TRIM46: variants seen among roughly 807,000 people sequenced by gnomAD.
TRIM46 encodes tripartite motif containing 46.
In TRIM46, 17 loss-of-function variants were observed where a neutral mutation model predicts 69.7. That is an observed-to-expected ratio of 0.24 (90% CI 0.17 to 0.37). The LOEUF (loss-of-function observed/expected upper bound fraction) is 0.37. Among genes scored for constraint, TRIM46 ranks in the 10% least tolerant of loss-of-function variants. The pLI is 1.00. For missense variants in TRIM46, 675 were observed against 1,025.1 expected (o/e 0.66, Z 4.66); for synonymous variants, 391 against 429.0 (o/e 0.91, Z 1.09).
chr1:155,175,744 T>G lies in TRIM46; in HGVS notation c.325+97T>G. The G allele has an allele frequency of 6.2e-7, 1 of 1,600,128 alleles. No individual in the cohort carries two copies. The highest frequency in any genetic ancestry group is 1.3e-5 in the African/African-American group (1 of 74,776). ...ACTGGTCAGAGGCATCTGTCTGTCTTTCTGGGGGGTGGAGATACTGCTTAC... is the reference window on the plus strand; with the variant it reads ...ACTGGTCAGAGGCATCTGTCTGTCTGTCTGGGGGGTGGAGATACTGCTTAC... On this transcript the variant is annotated intron_variant, in intron 2 of 9. Transcript: ENST00000334634. The surrounding 1 kb of genome is among the most constrained non-coding windows in gnomAD (Gnocchi z 4.2).
At chr1:155,178,453 C>T in intron 6 of TRIM46, 39 bp from the exon 7 acceptor site, 2 of 1,612,256 alleles carry the variant, frequency 1.2e-6, no homozygotes, top group Non-Finnish European at 1.7e-6. Context: ...GGAGACTGCC[C>T]ACATGGCAGT....
Position 155,181,925 on chromosome 1 carries a change from A to T in TRIM46, c.1662A>T (p.Ala554=). 1 of 1,614,078 alleles carries T rather than the reference A, an allele frequency of 6.2e-7. No individual in the cohort carries two copies. Among genetic ancestry groups the T allele is most frequent in the Non-Finnish European group, 8.5e-7 (1 of 1,180,034 alleles). Residue 554 remains alanine (A), a synonymous_variant, in exon 9 of 10, where the codon GCA becomes GCT. Coordinates refer to ENST00000334634, the MANE Select transcript of TRIM46 (RefSeq NM_025058.5). The surrounding 1 kb of genome is among the most constrained non-coding windows in gnomAD (Gnocchi z 4.3). ...ERLAISKDQR[A]VRSVPGLPLL... The stretch of plus-strand genomic sequence containing the variant: ...TGGCTATCAGCAAGGACCAGCGAGC[A>T]GTACGGAGTGTTCCAGGGCTGCCCC...
intron 1 of TRIM46, chr1:155,174,977 G>A (rs1665519183): frequency 4.3e-6 from 6 of 1,385,658 alleles, no homozygotes; most frequent in East Asian, 2.9e-5. Context: ...CGGCATGGGG[G>A]TGCTGCTAGA....
At chr1:155,182,324 C>A (rs1666229944) in intron 9 of TRIM46, 175 bp downstream of exon 9, 2 of 694,074 alleles carry the variant, frequency 2.9e-6, no homozygotes, top group Non-Finnish European at 4.7e-6. Flanking sequence ...CGCATGGGCT[C>A]AGCAAAAGGG....
Position 155,177,116 on chromosome 1 carries a change from T to C in TRIM46, c.813+41T>C, listed in dbSNP as rs1222306004. The C allele has an allele frequency of 2.5e-6, 4 of 1,613,754 alleles. No individual in the cohort carries two copies. The African/African-American group carries it at 5.3e-5, about 22-fold the overall frequency. On this transcript the variant is annotated intron_variant, in intron 4 of 9. Transcript: ENST00000334634. ...ATCCAACCCTAGTGCTAACTCACACTCTTACCCTCTTGCACCTCCTCCCAA... is the reference window on the plus strand; with the variant it reads ...ATCCAACCCTAGTGCTAACTCACACCCTTACCCTCTTGCACCTCCTCCCAA...
At chr1:155,180,069 G>T (rs75172742) in intron 8 of TRIM46, 135 bp downstream of exon 8, 16,291 of 1,065,896 alleles carry the variant, frequency 0.015, 146 homozygotes, top group Non-Finnish European at 0.019. Context: ...TCTGGAGCTA[G>T]ACTGCTTGGG....
chr1:155,178,871 G>A (rs781364236), intron 7 of TRIM46: 4 of 1,419,096 alleles, frequency 2.8e-6, no homozygotes, highest in South Asian at 2.4e-5. Context: ...CTGCCCCGGG[G>A]GCCCTGCCCG....
chr1:155,182,915 T>TTC (rs1666275482), intron 9 of TRIM46: 5 of 147,798 alleles, frequency 3.4e-5, no homozygotes, highest in Admixed American at 3.4e-4. Flanking sequence ...AACTCCCTGT[T>TTC]TTTTTTTTTT....
intron 3 of TRIM46, 143 bp downstream of exon 3, chr1:155,176,374 C>A: frequency 1.2e-6 from 1 of 806,026 alleles, no homozygotes; most frequent in Non-Finnish European, 1.9e-6. Flanking sequence ...GTCACAAAGT[C>A]ACTGGACAAA....
Position 155,183,896 on chromosome 1 carries a change from G to C in TRIM46, c.1986G>C (p.Leu662=), listed in dbSNP as rs1053341065. 4 of 1,613,490 alleles carry C rather than the reference G, an allele frequency of 2.5e-6. No individual in the cohort carries two copies. The highest frequency in any genetic ancestry group is 1.7e-4 in the Middle Eastern group (1 of 5,976). The change falls in exon 10 of 10, where the codon CTG becomes CTC. Residue 662 remains leucine (L), a synonymous_variant. Coordinates refer to ENST00000334634, the MANE Select transcript of TRIM46 (RefSeq NM_025058.5). ...AFLTIGMGKI[L]LGSGASSNAG... is the part of the protein sequence containing the mutation. Reference sequence around the variant, plus strand: ...TAACCATTGGCATGGGCAAGATCCTGCTGGGGTCGGGGGCAAGCTCAAACG... The same window carrying C: ...TAACCATTGGCATGGGCAAGATCCTCCTGGGGTCGGGGGCAAGCTCAAACG...
At position 155,179,866 on chromosome 1, in the gene TRIM46, G is replaced by A; in HGVS notation, c.1520G>A (p.Arg507His). Residue 507 changes from arginine to histidine, a missense_variant, in exon 8 of 10, where the codon CGC becomes CAC. Arg to His is a conservative substitution (Grantham distance 29). Transcript: ENST00000334634. The part of the protein sequence containing the change: ...DTGSVYVLRV[R>H]GCNKAGYGEY... ...GGCTCTGTGTATGTGCTGCGTGTCC[G>A]CGGCTGCAACAAGGCCGGCTACGGC... 2 of 1,609,974 alleles carry A rather than the reference G, an allele frequency of 1.2e-6. No individual in the cohort carries two copies. Among genetic ancestry groups the A allele is most frequent in the East Asian group, 2.2e-5 (1 of 44,728 alleles).
Position 155,178,061 on chromosome 1 carries a change from G to A in TRIM46, c.969G>A (p.Val323=). 6.2e-7 allele frequency: 1 copy of A among 1,613,966 alleles called. No homozygotes were observed. Among genetic ancestry groups the A allele is most frequent in the East Asian group, 2.2e-5 (1 of 44,886 alleles). The part of the protein sequence containing the change: ...VSQLVRGLGA[V]LEEKRASLLQ... Reference sequence around the variant, plus strand: ...AGCTGGTGCGGGGGCTGGGGGCTGTGCTGGAGGAGAAGCGGGCATCACTGC... The same window carrying A: ...AGCTGGTGCGGGGGCTGGGGGCTGTACTGGAGGAGAAGCGGGCATCACTGC... Residue 323 remains valine, a synonymous_variant, in exon 6 of 10, where the codon GTG becomes GTA. Coordinates refer to ENST00000334634, the MANE Select transcript of TRIM46 (RefSeq NM_025058.5).
At position 155,175,978 on chromosome 1, in the gene TRIM46, T is replaced by C; in HGVS notation, c.416T>C (p.Leu139Pro). The change falls in exon 3 of 10, where the codon CTT (leucine) becomes CCT (proline). Residue 139 changes from leucine to proline, a missense_variant. Leu to Pro is a moderately conservative substitution (Grantham distance 98, BLOSUM62 -3). This residue lies in a region of TRIM46 where 170 missense variants were observed against 255.6 expected (regional missense o/e 0.67). Transcript: ENST00000334634. This position sits in a 1 kb window ranked among gnomAD's most constrained non-coding sequence, Gnocchi z 4.2. ...CCAGCCTGCCAAGGTGATGTGGAGC[T>C]TGGGGAGCGGGGTCTGGCAGGGCTT... The part of the protein sequence containing the change: ...PCPACQGDVE[L>P]GERGLAGLFR... 1 of 1,613,278 alleles carries C rather than the reference T, an allele frequency of 6.2e-7. No individual in the cohort carries two copies. Among genetic ancestry groups the C allele is most frequent in the South Asian group, 1.1e-5 (1 of 91,026 alleles).
In TRIM46 at chr1:155,181,349, G is replaced by T. The variant is rs1224583226; in HGVS notation, c.1589-503G>T. On this transcript the variant is annotated intron_variant, in intron 8 of 9. Transcript: ENST00000334634. This position sits in a 1 kb window ranked among gnomAD's most constrained non-coding sequence, Gnocchi z 4.3. ...AGTCTGAGTACAGTGTCCGGCTCAT[G>T]GTTAGGGCTCAAGAATGTTACTAAA... Among the ~76,000 whole-genome samples the T allele has an allele frequency of 6.6e-6, 1 of 152,214 alleles. No individual in the cohort carries two copies. The highest frequency in any genetic ancestry group is 1.5e-5 in the Non-Finnish European group (1 of 68,048).
Position 155,176,977 on chromosome 1 carries a change from A to C in TRIM46, c.715A>C (p.Lys239Gln). 2 of 1,614,222 alleles carry C rather than the reference A, an allele frequency of 1.2e-6. No individual in the cohort carries two copies. The highest frequency in any genetic ancestry group is 1.7e-6 in the Non-Finnish European group (2 of 1,180,020). The change falls in exon 4 of 10, where the codon AAG (lysine) becomes CAG (glutamine). Residue 239 changes from lysine to glutamine, a missense_variant. Transcript: ENST00000334634. ...DHKEEVTHYC[K>Q]TCQRLVCQLC... ...CAAGGAAGAGGTGACCCACTACTGCAAGACATGCCAACGCCTGGTATGTCA... is the reference window on the plus strand; with the variant it reads ...CAAGGAAGAGGTGACCCACTACTGCCAGACATGCCAACGCCTGGTATGTCA...
chr1:155,177,362 A>G, intron 5 of TRIM46, 72 bp downstream of exon 5: 1 of 1,315,500 alleles, frequency 7.6e-7, no homozygotes, highest in South Asian at 1.2e-5. Context: ...GTGGGTGATC[A>G]TGACCCAATC....
intron 9 of TRIM46, 76 bp downstream of exon 9, chr1:155,182,225 G>A: frequency 8.2e-7 from 1 of 1,223,194 alleles, no homozygotes. Context: ...GGCAAGTGGA[G>A]CACAGACTTG....
chr1:155,183,153 G>A (rs547910265), intron 9 of TRIM46, among the ~76,000 whole-genome samples: 56 of 151,766 alleles, frequency 3.7e-4, no homozygotes, highest in East Asian at 2.3e-3. Context: ...CTCGTGATCC[G>A]CCCACCTTGG....
Position 155,179,640 on chromosome 1 carries a change from GC to G in TRIM46, c.1299del (p.Val434SerfsTer53). 1 of 1,596,370 alleles carries G rather than the reference GC, an allele frequency of 6.3e-7. No homozygotes were observed. On this transcript the variant is annotated frameshift_variant, in exon 8 of 10. Transcript: ENST00000334634. LOFTEE classifies it high-confidence loss of function. ...GCTGTCTCTTCCAACAGTGCCTGAG[GC>G]CCCCGTCATTGACACCCAGCGCACC... Reference protein sequence around the residue: ...TELNFLRVPEAPVIDTQRTFA... With the variant: ...TELNFLRVPEXPVIDTQRTFA...
Sources: allele counts gnomAD v4.1 joint callset (sites outside exome capture counted in the v4.1 genomes callset), GRCh38; gene constraint gnomAD v4.1.1; regional missense constraint gnomAD v4.1.1; non-coding constraint Gnocchi (gnomAD v3.1); transcripts MANE v1.5; gene names NCBI Gene and HGNC (gene_info 2026-07-23, HGNC 2026-07-21).